STIM2: variants seen among roughly 807,000 people sequenced by gnomAD.
STIM2 encodes the protein stromal interaction molecule 2.
In STIM2, 31 loss-of-function variants were observed where a neutral mutation model predicts 85.8. The ratio of observed to expected loss-of-function variants is 0.36; its 90% CI spans 0.27 to 0.49. The LOEUF is 0.49. Ranked by LOEUF, STIM2 falls within the 20% of genes least tolerant of loss-of-function variation. STIM2 has a pLI of 0.98. For missense variants in STIM2, 841 were observed against 927.6 expected, an observed-to-expected ratio of 0.91 and a Z score of 1.21; for synonymous variants, 356 against 331.1, an observed-to-expected ratio of 1.08 and a Z score of -0.82.
chr4:26,935,902 T>C (rs2109078100), intron 2 of STIM2, among the ~76,000 whole-genome samples: 1 of 152,360 alleles, frequency 6.6e-6, no homozygotes, highest in East Asian at 1.9e-4. Context: ...ATATAAATAC[T>C]ACTGTGATGC....
chr4:26,891,590 CACACACA>C (rs1560197013), intron 1 of STIM2, among the ~76,000 whole-genome samples: 4 of 151,068 alleles, frequency 2.6e-5, no homozygotes, highest in Middle Eastern at 3.2e-3. Flanking sequence ...CACACACACA[CACACACA>C]CCCCCTTTTG....
At chr4:27,000,384 C>T (rs188032905) in intron 5 of STIM2, among the ~76,000 whole-genome samples, 4 of 152,250 alleles carry the variant, frequency 2.6e-5, no homozygotes, top group Admixed American at 6.5e-5. Flanking sequence ...ACTGAAATGC[C>T]GAGCGTTCCA....
At position 26,994,594 on chromosome 4, in the gene STIM2, A is replaced by T. The variant is rs184667775; in HGVS notation, c.398-785A>T. ...TCTATTCTCCACATTGAAGAACAACATTCTAAAAAAAGATTATTCCCCTTC... is the reference window on the plus strand; with the variant it reads ...TCTATTCTCCACATTGAAGAACAACTTTCTAAAAAAAGATTATTCCCCTTC... On this transcript the variant is annotated intron_variant, in intron 3 of 11. Transcript: ENST00000467087. 1.3e-3 allele frequency among the ~76,000 whole-genome samples: 199 copies of T among 152,224 alleles called. 1 individual carries two copies. The highest frequency in any genetic ancestry group is 2.6e-3 in the Non-Finnish European group (179 of 67,980).
At chr4:27,016,738 C>T (rs1355667622) in intron 10 of STIM2, among the ~76,000 whole-genome samples, 1 of 152,216 alleles carries the variant, frequency 6.6e-6, no homozygotes, top group Non-Finnish European at 1.5e-5. Flanking sequence ...TATTCCAATA[C>T]CTAACGTGGG....
At chr4:26,933,755 A>AC (rs1725288439) in intron 2 of STIM2, among the ~76,000 whole-genome samples, 1 of 148,580 alleles carries the variant, frequency 6.7e-6, no homozygotes, top group African/African-American at 2.5e-5. Context: ...AAAAAAAAAA[A>AC]CAAGAAAAAA....
Position 26,955,044 on chromosome 4 carries a change from CCTTAGAAATAAAATTT to C in STIM2, c.283-2558_283-2543del, listed in dbSNP as rs1257812038. On this transcript the variant is annotated intron_variant, in intron 2 of 11. Coordinates refer to ENST00000467087, the MANE Select transcript of STIM2 (RefSeq NM_020860.4). ...TTAGAAATTTCTTAGAAATTAAATTCCTTAGAAATAAAATTTCTTAGAAATTTTATTTCTAAGAATT... is the reference window on the plus strand; with the variant it reads ...TTAGAAATTTCTTAGAAATTAAATTCCTTAGAAATTTTATTTCTAAGAATT... 2.3e-4 allele frequency among the ~76,000 whole-genome samples: 34 copies of C among 145,692 alleles called. 6 individuals carry two copies. The highest frequency in any genetic ancestry group is 8.7e-4 in the African/African-American group (33 of 38,004).
chr4:26,913,299 A>T (rs1348837635), intron 1 of STIM2, among the ~76,000 whole-genome samples: 1 of 151,864 alleles, frequency 6.6e-6, no homozygotes, highest in African/African-American at 2.4e-5. Context: ...ATAGTATTAT[A>T]CTATGTATAG....
At chr4:26,880,412 A>T (rs893350453) in intron 1 of STIM2, among the ~76,000 whole-genome samples, 3 of 151,948 alleles carry the variant, frequency 2.0e-5, no homozygotes, top group African/African-American at 7.3e-5. Flanking sequence ...TATAATACTT[A>T]CAACCAGAAA....
intron 2 of STIM2, among the ~76,000 whole-genome samples, chr4:26,935,550 A>G (rs1304487638): frequency 6.6e-6 from 1 of 152,194 alleles, no homozygotes; most frequent in Non-Finnish European, 1.5e-5. Context: ...GACAAGCAGT[A>G]TTAACTTAAC....
intron 11 of STIM2, 107 bp from the exon 12 acceptor site, chr4:27,022,412 C>CTTAA: frequency 3.3e-6 from 3 of 903,860 alleles, no homozygotes; most frequent in Non-Finnish European, 3.3e-6. Flanking sequence ...TCATTTCCCT[C>CTTAA]TTTTAAATTT....
At chr4:27,001,021 G>C (rs972921777) in intron 5 of STIM2, among the ~76,000 whole-genome samples, 1 of 152,214 alleles carries the variant, frequency 6.6e-6, no homozygotes, top group East Asian at 1.9e-4. Context: ...CAGGTGGAAG[G>C]GTGAAGGTGT....
Position 26,860,928 on chromosome 4 carries a change from T to C in STIM2, c.-291T>C. ...CCGTACCTTTCTACCCCCCACCTTT[T>C]TTTTTTTTTTTTTTAAATAACCGGA... On this transcript the variant is annotated 5_prime_UTR_variant, in exon 1 of 12. Transcript: ENST00000467087. The C allele has an allele frequency of 1.1e-6, 1 of 912,272 alleles. No homozygotes were observed. Among genetic ancestry groups the C allele is most frequent in the South Asian group, 2.3e-5 (1 of 42,646 alleles). 56.5% of individuals were successfully genotyped at this position (912,272 alleles called of 1,614,324 possible). A position where few individuals can be genotyped will look rare whatever the true frequency, so the allele number is the denominator to read the frequency against.
At chr4:27,005,285 T>G (rs928141803) in intron 7 of STIM2, among the ~76,000 whole-genome samples, 1 of 152,200 alleles carries the variant, frequency 6.6e-6, no homozygotes, top group East Asian at 1.9e-4. Context: ...TTTGTGTGAT[T>G]TAAGTAGTTT....
chr4:26,933,073 T>G (rs1426033296), intron 2 of STIM2, among the ~76,000 whole-genome samples: 5 of 151,776 alleles, frequency 3.3e-5, no homozygotes, highest in African/African-American at 1.2e-4. Context: ...AAAGAGCTTG[T>G]GGGAGAGTGA....
chr4:27,019,674 A>T, intron 11 of STIM2: 1 of 352,022 alleles, frequency 2.8e-6, no homozygotes, highest in African/African-American at 2.3e-5. Context: ...AATGTTGAAT[A>T]TTTACTGATT....
intron 1 of STIM2, among the ~76,000 whole-genome samples, chr4:26,892,112 G>A (rs1161756251): frequency 6.6e-6 from 1 of 152,130 alleles, no homozygotes; most frequent in Non-Finnish European, 1.5e-5. Context: ...ATAATTGTGA[G>A]GCCTCCCCAG....
At chr4:26,972,672 G>A (rs777902310) in intron 3 of STIM2, among the ~76,000 whole-genome samples, 1 of 152,178 alleles carries the variant, frequency 6.6e-6, no homozygotes, top group Non-Finnish European at 1.5e-5. Context: ...TTACATCGTT[G>A]TTGATCAGGG....
chr4:27,001,755 C>A (rs1728165281), intron 5 of STIM2, among the ~76,000 whole-genome samples: 1 of 152,182 alleles, frequency 6.6e-6, no homozygotes, highest in Admixed American at 6.5e-5. Context: ...TATATAGCTG[C>A]CTCCTTGGGG....
chr4:26,962,839 A>C (rs1726534410), intron 3 of STIM2, among the ~76,000 whole-genome samples: 1 of 152,166 alleles, frequency 6.6e-6, no homozygotes, highest in African/African-American at 2.4e-5. Context: ...TAGATAAAAA[A>C]CTGATTAAGT....
Sources: gnomAD v4.1 joint callset for allele counts (sites outside exome capture counted in the v4.1 genomes callset) on GRCh38, gnomAD v4.1.1 for gene constraint, MANE v1.5 for transcripts, NCBI Gene and HGNC (gene_info 2026-07-23, HGNC 2026-07-21) for gene names.